Variants in RFPL2 observed in about 807,000 individuals in gnomAD.
RFPL2 encodes ret finger protein like 2.
Under a neutral mutation model 17.8 loss-of-function variants are expected in RFPL2, and 13 were observed. The observed-to-expected ratio is 0.73, with a 90% CI of 0.47 to 1.16. The LOEUF (loss-of-function observed/expected upper bound fraction) is 1.16, where lower values mean the gene tolerates loss of function less well. Ranked by LOEUF, RFPL2 falls within the 50% of genes most tolerant of loss-of-function variation. The probability of loss-of-function intolerance (pLI) is 0.00; values close to 1 mark genes in which losing one functional copy is unlikely to be tolerated. For synonymous variants in RFPL2, 189 were observed against 180.9 expected, an observed-to-expected ratio of 1.04 and a Z score of -0.36; for missense variants, 431 against 479.3, an observed-to-expected ratio of 0.90 and a Z score of 0.94.
intron 3 of RFPL2, among the ~76,000 whole-genome samples, chr22:32,193,907 T>A (rs1200513096): frequency 7.0e-6 from 1 of 143,212 alleles, no homozygotes; most frequent in Non-Finnish European, 1.5e-5. Context: ...ATGCAGTAGC[T>A]CACATCTGTA....
chr22:32,200,444 A>C (rs1281217486), intron 2 of RFPL2, among the ~76,000 whole-genome samples: 2 of 152,098 alleles, frequency 1.3e-5, no homozygotes, highest in Non-Finnish European at 2.9e-5. Flanking sequence ...AGTGTGTGTA[A>C]GGGGGGATTC....
chr22:32,197,633 C>T (rs779480661), intron 2 of RFPL2, among the ~76,000 whole-genome samples: 12 of 152,192 alleles, frequency 7.9e-5, no homozygotes, highest in Non-Finnish European at 1.6e-4. Flanking sequence ...GTTCAAATCC[C>T]ACCTACGAGT....
intron 2 of RFPL2, among the ~76,000 whole-genome samples, chr22:32,200,985 A>G (rs1289804615): frequency 2.0e-5 from 3 of 151,426 alleles, no homozygotes; most frequent in Non-Finnish European, 4.4e-5. Context: ...GAAAGATAGT[A>G]TCTGAGCTCC....
At chr22:32,196,079 T>C (rs1269579251) in intron 2 of RFPL2, among the ~76,000 whole-genome samples, 1 of 152,180 alleles carries the variant, frequency 6.6e-6, no homozygotes, top group Non-Finnish European at 1.5e-5. Flanking sequence ...GAGCTCAGCA[T>C]TTTTCTTTTA....
At chr22:32,193,233 A>G (rs1157120080) in intron 3 of RFPL2, 41 bp from the exon 4 acceptor site, 18 of 1,613,970 alleles carry the variant, frequency 1.1e-5, no homozygotes, top group South Asian at 6.6e-5. Flanking sequence ...AATTTCCATG[A>G]GGTGAAAGCC....
In RFPL2 at chr22:32,202,329, T is replaced by C. The variant is rs747863628; in HGVS notation, c.119+4A>G. ...AATGCGGAAAACCCAGAATTGTCTC[T>C]CACCTCAGGCTCCTTATCACCATCA... On this transcript the variant is annotated splice_donor_region_variant and intron_variant, in intron 2 of 4. Coordinates refer to ENST00000652607, the MANE Select transcript of RFPL2 (RefSeq NM_001394555.1). The C allele has an allele frequency of 8.2e-6, 13 of 1,590,576 alleles. No individual in the cohort carries two copies. The Admixed American group carries it at 1.2e-4, about 15-fold the overall frequency.
At chr22:32,203,260 CACCCTCAACCAGCCCCT>C (rs1924146483) in intron 1 of RFPL2, 1 of 187,928 alleles carries the variant, frequency 5.3e-6, no homozygotes, top group South Asian at 1.8e-4. Flanking sequence ...CCACGGATAC[CACCCTCAACCAGCCCCT>C]CGCCACAGGA....
chr22:32,202,924 T>C, intron 1 of RFPL2: 2 of 994,218 alleles, frequency 2.0e-6, no homozygotes, highest in Non-Finnish European at 2.4e-6. Context: ...AGGCGGTCTC[T>C]GCAACACAGA....
chr22:32,194,267 T>A, intron 3 of RFPL2, 78 bp downstream of exon 3: 2 of 1,510,370 alleles, frequency 1.3e-6, no homozygotes, highest in Non-Finnish European at 1.8e-6. Context: ...TACGAATTTC[T>A]CTCATTCATC....
chr22:32,194,606 G>T, intron 2 of RFPL2, 116 bp from the exon 3 acceptor site: 1 of 1,062,452 alleles, frequency 9.4e-7, no homozygotes, highest in Non-Finnish European at 1.4e-6. Context: ...ATGAAGGTAA[G>T]ATTAAATTGC....
chr22:32,193,134 C>T lies in RFPL2; in HGVS notation c.324G>A (p.Leu108=), dbSNP rs751859839. 16 of 1,613,922 alleles carry T rather than the reference C, an allele frequency of 9.9e-6. No homozygotes were observed. Among genetic ancestry groups the T allele is most frequent in the South Asian group, 3.3e-5 (3 of 91,074 alleles). The change falls in exon 4 of 5, where the codon CTG becomes CTA. Residue 108 remains leucine, a synonymous_variant. Transcript: ENST00000652607. ...ASSCPVCSDY[L]EKPMSLECGC... is the part of the protein sequence containing the mutation. ...CACACTCCAGGGACATTGGTTTTTC[C>T]AGATAGTCTGAGCAGACGGGACAGC...
chr22:32,192,875 AG>A, intron 4 of RFPL2, 26 bp downstream of exon 4: 2 of 1,573,784 alleles, frequency 1.3e-6, no homozygotes, highest in Non-Finnish European at 1.7e-6. Context: ...GGTCTTGGGA[AG>A]GGGGCAGGGT....
rs763461838 is a variant in RFPL2 at position 32,191,234 on chromosome 22, G to A, written c.675C>T (p.Asp225=). 30 of 1,613,968 alleles carry A rather than the reference G, an allele frequency of 1.9e-5. No individual in the cohort carries two copies. Among genetic ancestry groups the A allele is most frequent in the Admixed American group, 3.3e-5 (2 of 60,014 alleles). The change falls in exon 5 of 5, where the codon GAC becomes GAT. Residue 225 remains aspartate (D), a synonymous_variant. Coordinates refer to ENST00000652607, the MANE Select transcript of RFPL2 (RefSeq NM_001394555.1). ...QNRQDLAERF[D]VSVCILGSPR... is the part of the protein sequence containing the mutation. ...GGGAGCCCAGGATGCAAACGGACAC[G>A]TCAAATCTCTCGGCAAGGTCTTGCC...
At position 32,191,074 on chromosome 22, in the gene RFPL2, C is replaced by G; in HGVS notation, c.835G>C (p.Val279Leu). 1 of 1,614,006 alleles carries G rather than the reference C, an allele frequency of 6.2e-7. No individual in the cohort carries two copies. The highest frequency in any genetic ancestry group is 8.5e-7 in the Non-Finnish European group (1 of 1,179,878). The change falls in exon 5 of 5, where the codon GTG becomes CTG. Residue 279 changes from valine (V) to leucine (L), a missense_variant. Physicochemically the swap from Val to Leu is conservative, Grantham distance 32 (BLOSUM62 1). Coordinates refer to ENST00000652607, the MANE Select transcript of RFPL2 (RefSeq NM_001394555.1). ...QLTTELGFWTVSLRDGGRLSA... is the reference protein window; with the variant it reads ...QLTTELGFWTLSLRDGGRLSA... Reference sequence around the variant, plus strand: ...AGGCGGCCTCCATCCCTCAAACTCACAGTCCAGAATCCAAGCTCTGTGGTC... The same window carrying G: ...AGGCGGCCTCCATCCCTCAAACTCAGAGTCCAGAATCCAAGCTCTGTGGTC...
At chr22:32,198,008 A>C (rs1421020949) in intron 2 of RFPL2, among the ~76,000 whole-genome samples, 2 of 152,078 alleles carry the variant, frequency 1.3e-5, no homozygotes, top group Non-Finnish European at 2.9e-5. Flanking sequence ...ATCCCAAACT[A>C]AGACAACACC....
chr22:32,200,503 C>T (rs1923806388), intron 2 of RFPL2, among the ~76,000 whole-genome samples: 1 of 152,106 alleles, frequency 6.6e-6, no homozygotes, highest in South Asian at 2.1e-4. Context: ...CCCAGACTCC[C>T]AGGGGTGTCT....
chr22:32,193,372 G>T lies in RFPL2; in HGVS notation c.266-180C>A. On this transcript the variant is annotated intron_variant, in intron 3 of 4. Transcript: ENST00000652607. Reference sequence around the variant, plus strand: ...CCCCACCCCCCGTCTTCAGAGATTTGAAGTTCTATTGGGAAAGTCACGAAT... The same window carrying T: ...CCCCACCCCCCGTCTTCAGAGATTTTAAGTTCTATTGGGAAAGTCACGAAT... 5 of 1,550,078 alleles carry T rather than the reference G, an allele frequency of 3.2e-6. No homozygotes were observed. The South Asian group carries it at 3.8e-5, about 12-fold the overall frequency.
chr22:32,199,420 GAC>G (rs1923688396), intron 2 of RFPL2, among the ~76,000 whole-genome samples: 2 of 152,348 alleles, frequency 1.3e-5, no homozygotes, highest in South Asian at 4.1e-4. Context: ...ACCCTGGACA[GAC>G]AGTGGGACTT....
At chr22:32,194,234 C>T (rs575661929) in intron 3 of RFPL2, 111 bp downstream of exon 3, 1,663 of 1,275,510 alleles carry the variant, frequency 1.3e-3, no homozygotes, top group Non-Finnish European at 1.7e-3. Context: ...AGCACTCAGA[C>T]GGCCTTTGTT....
Sources: gnomAD v4.1 joint callset for allele counts (sites outside exome capture counted in the v4.1 genomes callset) on GRCh38, gnomAD v4.1.1 for gene constraint, MANE v1.5 for transcripts, NCBI Gene and HGNC (gene_info 2026-07-23, HGNC 2026-07-21) for gene names.